The following YARS1 variants were observed in gnomAD, a reference collection of about 807,000 sequenced individuals.
YARS1 encodes the protein tyrosine--tRNA ligase, cytoplasmic.
A neutral mutation model predicts 62.2 loss-of-function variants in YARS1; 36 were observed. That is an observed-to-expected ratio of 0.58 (90% confidence interval 0.44 to 0.76). The LOEUF (loss-of-function observed/expected upper bound fraction) is 0.76, where lower values mean the gene tolerates loss of function less well. YARS1 is among the 30% of genes least tolerant of loss of function. The pLI, the probability that YARS1 is intolerant of heterozygous loss-of-function variation, is 0.00. For synonymous variants in YARS1, 234 were observed against 244.9 expected, an observed-to-expected ratio of 0.96 and a Z score of 0.42; for missense variants, 524 against 639.8, an observed-to-expected ratio of 0.82 and a Z score of 1.95.
rs565730748 is a variant in YARS1, at chr1:32,793,757, G to A, written c.592-2503C>T. Among the ~76,000 whole-genome samples the A allele has an allele frequency of 7.2e-5, 11 of 152,318 alleles. 2 individuals carry two copies. The highest frequency in any genetic ancestry group is 4.2e-4 in the South Asian group (2 of 4,818). ...AAGGAGAAACAATAAACTTAGAGGTGACTTTTCAGTCGAAACTATGGAAGC... is the reference window on the plus strand; with the variant it reads ...AAGGAGAAACAATAAACTTAGAGGTAACTTTTCAGTCGAAACTATGGAAGC... On this transcript the variant is annotated intron_variant, in intron 5 of 12. Transcript: ENST00000373477.
chr1:32,816,824 A>G (rs1386325878), intron 1 of YARS1: 1 of 406,302 alleles, frequency 2.5e-6, no homozygotes, highest in Non-Finnish European at 4.6e-6. Context: ...TTGAACCGTA[A>G]TGGGTCATTT....
intron 4 of YARS1, among the ~76,000 whole-genome samples, chr1:32,802,661 T>C (rs908366464): frequency 3.9e-5 from 6 of 152,194 alleles, no homozygotes; most frequent in African/African-American, 1.4e-4. Flanking sequence ...TCAGGTGCAC[T>C]GTCAATGAGC....
In YARS1 at chr1:32,811,189, G is replaced by A. The variant is rs538970943; in HGVS notation, c.58-132C>T. 10 of 1,336,386 alleles carry A rather than the reference G, an allele frequency of 7.5e-6. No individual in the cohort carries two copies. In the East Asian group the frequency reaches 1.1e-4, roughly 15 times the overall value. The allele number at this position is 1,336,386 out of a possible 1,614,324, so 82.8% of individuals were successfully genotyped here. On this transcript the variant is annotated intron_variant, in intron 1 of 12. Transcript: ENST00000373477. The stretch of plus-strand genomic sequence containing the variant: ...AGAGCCATCAAGGAGGTCCAGCCAT[G>A]TTCTCAGTGCAGATGTGATACCCTA...
chr1:32,775,892 A>G lies in YARS1; in HGVS notation c.*89T>C, dbSNP rs1569695474. The G allele has an allele frequency of 1.6e-6, 2 of 1,239,926 alleles. No homozygotes were observed. The highest frequency in any genetic ancestry group is 4.7e-5 in the East Asian group (2 of 42,434). 76.8% of individuals were successfully genotyped at this position (1,239,926 alleles called of 1,614,324 possible). On this transcript the variant is annotated 3_prime_UTR_variant, in exon 13 of 13. Coordinates refer to ENST00000373477, the MANE Select transcript of YARS1 (RefSeq NM_003680.4). ...CCAAACCCGCTGCTTCCGTGTCCTG[A>G]GAGATGGGTAAATGGGTGATGGATG...
chr1:32,808,363 C>T (rs1004504325), intron 3 of YARS1, among the ~76,000 whole-genome samples: 14 of 151,916 alleles, frequency 9.2e-5, no homozygotes, highest in South Asian at 2.1e-4. Flanking sequence ...GGATTACAGG[C>T]GTGCACCACC....
At chr1:32,813,410 C>T (rs1638629606) in intron 1 of YARS1, among the ~76,000 whole-genome samples, 1 of 152,230 alleles carries the variant, frequency 6.6e-6, no homozygotes, top group African/African-American at 2.4e-5. Context: ...CCTCCGCCTC[C>T]AGGGTTCAAG....
At chr1:32,782,869 T>C in intron 8 of YARS1, 1 of 344,582 alleles carries the variant, frequency 2.9e-6, no homozygotes, top group Non-Finnish European at 5.6e-6. Flanking sequence ...TTCACATAGG[T>C]AACCCAAGGC....
In YARS1 at chr1:32,786,435, A is replaced by G; in HGVS notation, c.833T>C (p.Leu278Pro). 2 of 1,613,876 alleles carry G rather than the reference A, an allele frequency of 1.2e-6. No homozygotes were observed. The highest frequency in any genetic ancestry group is 3.3e-5 in the Admixed American group (2 of 60,002). The change falls in exon 8 of 13, where the codon CTA becomes CCA. Residue 278 changes from leucine to proline, a missense_variant. Coordinates refer to ENST00000373477, the MANE Select transcript of YARS1 (RefSeq NM_003680.4). ...GTTTCCACCCCATTTCTCATCTCGT[A>G]GGATCACAAACTCTATAAGGAAAAG... is the stretch of plus-strand genomic sequence containing the variant. ...LFPLKSEFVI[L>P]RDEKWGGNKT...
At chr1:32,804,030 C>T (rs955875449) in intron 4 of YARS1, among the ~76,000 whole-genome samples, 4 of 152,150 alleles carry the variant, frequency 2.6e-5, no homozygotes, top group Non-Finnish European at 5.9e-5. Flanking sequence ...GGACACAGCA[C>T]ATGTTTCAGA....
chr1:32,776,685 T>C lies in YARS1; in HGVS notation c.1477-594A>G, dbSNP rs1017944035. Among the ~76,000 whole-genome samples the C allele has an allele frequency of 2.6e-5, 4 of 152,070 alleles. No homozygotes were observed. Among genetic ancestry groups the C allele is most frequent in the African/African-American group, 9.7e-5 (4 of 41,436 alleles). On this transcript the variant is annotated intron_variant, in intron 12 of 12. Coordinates refer to ENST00000373477, the MANE Select transcript of YARS1 (RefSeq NM_003680.4). This position sits in a 1 kb window ranked among gnomAD's most constrained non-coding sequence, Gnocchi z 4.0. ...ATGTCTAATAAGAGTTTAGTTAGATTGCCGGGCGTGGTGGCTCACACCTAT... is the reference window on the plus strand; with the variant it reads ...ATGTCTAATAAGAGTTTAGTTAGATCGCCGGGCGTGGTGGCTCACACCTAT...
At chr1:32,789,887 G>GC (rs1469502398) in intron 6 of YARS1, among the ~76,000 whole-genome samples, 2 of 139,030 alleles carry the variant, frequency 1.4e-5, no homozygotes, top group Non-Finnish European at 3.1e-5. Context: ...ACTGTGCCTG[G>GC]CCCTTTTTTT....
intron 12 of YARS1, among the ~76,000 whole-genome samples, chr1:32,778,736 C>CTTTTTTTTTTTTTT (rs67504155): frequency 8.3e-6 from 1 of 120,070 alleles, no homozygotes; most frequent in Non-Finnish European, 1.7e-5. Context: ...CTTTTCTTTT[C>CTTTTTTTTTTTTTT]TTTTTTTTTT....
intron 1 of YARS1, chr1:32,811,313 C>T (rs576353239): frequency 4.1e-5 from 22 of 533,072 alleles, no homozygotes; most frequent in East Asian, 1.8e-4. Context: ...TCTTACCCAC[C>T]CCCCTTCCTC....
At chr1:32,792,891 A>AT (rs1334730529) in intron 5 of YARS1, among the ~76,000 whole-genome samples, 1 of 151,310 alleles carries the variant, frequency 6.6e-6, no homozygotes, top group African/African-American at 2.4e-5. Flanking sequence ...AAAAAAAATA[A>AT]AAATAAAAAT....
chr1:32,810,839 C>T lies in YARS1; in HGVS notation c.204+72G>A, dbSNP rs908881509. The T allele has an allele frequency of 1.5e-5, 25 of 1,613,950 alleles. No individual in the cohort carries two copies. The Admixed American group carries it at 2.5e-4, about 16-fold the overall frequency. ...CTCCAACCTGTCTCCTCCAGCCCCA[C>T]CCTGTCCTTGTTAAGTCTCTCTTGG... is the stretch of plus-strand genomic sequence containing the variant. On this transcript the variant is annotated intron_variant, in intron 2 of 12. Transcript: ENST00000373477.
intron 1 of YARS1, chr1:32,811,485 C>CTTTAA: frequency 3.5e-6 from 1 of 289,748 alleles, no homozygotes; most frequent in East Asian, 8.7e-5. Flanking sequence ...AAAGCCTCCG[C>CTTTAA]GTCTATCACC....
intron 4 of YARS1, 46 bp from the exon 5 acceptor site, chr1:32,797,889 G>T: frequency 6.4e-7 from 1 of 1,558,736 alleles, no homozygotes; most frequent in South Asian, 1.1e-5. Flanking sequence ...TTATTTTTTT[G>T]AGACAGAGTC....
intron 8 of YARS1, chr1:32,783,029 T>G (rs1323999311): frequency 2.4e-5 from 4 of 165,594 alleles, no homozygotes; most frequent in African/African-American, 9.6e-5. Flanking sequence ...TTTTTCTCTT[T>G]TCTTTTTGTA....
intron 4 of YARS1, among the ~76,000 whole-genome samples, chr1:32,801,253 T>C (rs568293336): frequency 1.3e-5 from 2 of 151,964 alleles, no homozygotes; most frequent in African/African-American, 2.4e-5. Context: ...TTGTGTACAG[T>C]ACAGGCATAC....
Sources: allele counts gnomAD v4.1 joint callset (sites outside exome capture counted in the v4.1 genomes callset), GRCh38; gene constraint gnomAD v4.1.1; non-coding constraint Gnocchi (gnomAD v3.1); transcripts MANE v1.5; gene names NCBI Gene and HGNC (gene_info 2026-07-23, HGNC 2026-07-21).